Variants in SORCS3 observed in about 807,000 individuals in gnomAD.
SORCS3 encodes VPS10 domain-containing receptor SorCS3.
Under a neutral mutation model 146.3 loss-of-function variants are expected in SORCS3, and 57 were observed. The ratio of observed to expected loss-of-function variants is 0.39; its 90% CI spans 0.31 to 0.49. The LOEUF (loss-of-function observed/expected upper bound fraction) is 0.49, where lower values mean the gene tolerates loss of function less well. Ranked by LOEUF, SORCS3 falls within the 20% of genes least tolerant of loss-of-function variation. The pLI is 0.92. For synonymous variants in SORCS3, 653 were observed against 618.5 expected, an observed-to-expected ratio of 1.06 and a Z score of -0.83; for missense variants, 1,341 against 1,575.5, an observed-to-expected ratio of 0.85 and a Z score of 2.52.
At chr10:104,869,318 T>G (rs2018492237) in intron 2 of SORCS3, among the ~76,000 whole-genome samples, 1 of 152,300 alleles carries the variant, frequency 6.6e-6, no homozygotes, top group African/African-American at 2.4e-5. Flanking sequence ...TGAGTTCTAG[T>G]CCAAGGACAG....
chr10:104,943,639 C>A (rs557014436), intron 3 of SORCS3, among the ~76,000 whole-genome samples: 26 of 152,184 alleles, frequency 1.7e-4, no homozygotes, highest in African/African-American at 5.8e-4. Flanking sequence ...CCTTATTTCC[C>A]CCCACTCTCA....
intron 3 of SORCS3, among the ~76,000 whole-genome samples, chr10:104,958,108 T>C (rs942871427): frequency 6.6e-6 from 1 of 152,172 alleles, no homozygotes; most frequent in Admixed American, 6.5e-5. Context: ...TTTTCTGCCT[T>C]TGTTTGCACT....
At chr10:105,144,424 A>G (rs911882488) in intron 8 of SORCS3, among the ~76,000 whole-genome samples, 1 of 152,100 alleles carries the variant, frequency 6.6e-6, no homozygotes, top group African/African-American at 2.4e-5. Flanking sequence ...TAACATGGGT[A>G]TTTATATAAT....
intron 4 of SORCS3, among the ~76,000 whole-genome samples, chr10:104,980,775 T>G (rs2054927589): frequency 6.6e-6 from 1 of 152,202 alleles, no homozygotes; most frequent in South Asian, 2.1e-4. Context: ...CAGTATCCAA[T>G]TGCTTTACTT....
intron 18 of SORCS3, 141 bp downstream of exon 18, chr10:105,214,754 A>G: frequency 1.2e-6 from 1 of 802,946 alleles, no homozygotes; most frequent in Non-Finnish European, 1.9e-6. Flanking sequence ...GAAGACAGAC[A>G]AGGGTGAAAG....
intron 8 of SORCS3, among the ~76,000 whole-genome samples, chr10:105,147,276 A>G (rs1430738794): frequency 6.6e-6 from 1 of 152,154 alleles, no homozygotes; most frequent in Non-Finnish European, 1.5e-5. Context: ...CTCTGTCTTC[A>G]TTGCATGTGT....
chr10:105,222,985 G>A (rs978026694), intron 19 of SORCS3, 131 bp from the exon 20 acceptor site: 29 of 917,442 alleles, frequency 3.2e-5, no homozygotes, highest in Non-Finnish European at 3.7e-5. Flanking sequence ...ACCTCCCAAT[G>A]TATATGGTTT....
chr10:104,712,512 A>G (rs773019434), intron 1 of SORCS3, among the ~76,000 whole-genome samples: 7 of 152,324 alleles, frequency 4.6e-5, no homozygotes, highest in South Asian at 2.1e-4. Flanking sequence ...CAGGAAGCCA[A>G]TCCAGGTTGG....
At chr10:104,696,235 CAT>C (rs1332068375) in intron 1 of SORCS3, among the ~76,000 whole-genome samples, 1 of 121,468 alleles carries the variant, frequency 8.2e-6, no homozygotes, top group African/African-American at 3.3e-5. Context: ...TAATATATAT[CAT>C]ATACACATAT....
At chr10:104,919,876 T>C (rs1254789611) in intron 3 of SORCS3, among the ~76,000 whole-genome samples, 2 of 152,180 alleles carry the variant, frequency 1.3e-5, no homozygotes, top group South Asian at 4.1e-4. Context: ...AACCAGTATA[T>C]TCAGCTTAGC....
intron 2 of SORCS3, among the ~76,000 whole-genome samples, chr10:104,881,171 T>C (rs961507950): frequency 5.9e-5 from 9 of 152,220 alleles, no homozygotes; most frequent in African/African-American, 1.9e-4. Flanking sequence ...CACTGATCAT[T>C]ACAAACACAC....
intron 1 of SORCS3, among the ~76,000 whole-genome samples, chr10:104,711,754 G>A (rs565229204): frequency 1.3e-5 from 2 of 152,336 alleles, no homozygotes; most frequent in Admixed American, 6.5e-5. Flanking sequence ...ACTTTTGGAA[G>A]CATCACAGGC....
In SORCS3 at chr10:105,223,104, C is replaced by A. The variant is rs1430643541; in HGVS notation, c.2735-12C>A. On this transcript the variant is annotated splice_polypyrimidine_tract_variant and intron_variant, in intron 19 of 26. Transcript: ENST00000369701. ...GAATATAAACACTGACTTTTTTTTT[C>A]TGTTTCCTTAGGTCCTGTGGAGCAT... The A allele has an allele frequency of 1.3e-6, 2 of 1,567,878 alleles. No individual in the cohort carries two copies. Among genetic ancestry groups the A allele is most frequent in the Admixed American group, 1.9e-5 (1 of 53,442 alleles).
rs1480692858 is a variant in SORCS3 at position 105,138,853 on chromosome 10, GAA to G, written c.1213-542_1213-541del. On this transcript the variant is annotated intron_variant, in intron 7 of 26. Coordinates refer to ENST00000369701, the MANE Select transcript of SORCS3 (RefSeq NM_014978.3). ...GATGTTTTTAAGTATCTTGTACGTG[GAA>G]AGAGTCAATAAATATCTGCTCAATA... Among the ~76,000 whole-genome samples, 50 of 152,192 alleles carry G rather than the reference GAA, an allele frequency of 3.3e-4. 1 individual carries two copies. Among genetic ancestry groups the G allele is most frequent in the Non-Finnish European group, 1.5e-5 (1 of 68,040 alleles).
At chr10:105,171,615 A>T (rs184389714) in intron 13 of SORCS3, among the ~76,000 whole-genome samples, 170 of 152,352 alleles carry the variant, frequency 1.1e-3, no homozygotes, top group Non-Finnish European at 2.1e-3. Context: ...CAAACAATAC[A>T]TGTCTCTGAA....
rs114384713 is a variant in SORCS3, at chr10:104,777,351, G to A, written c.628-65441G>A. Among the ~76,000 whole-genome samples the A allele has an allele frequency of 4.1e-3, 632 of 152,304 alleles. 6 individuals are homozygous for A. Among genetic ancestry groups the A allele is most frequent in the African/African-American group, 0.015 (618 of 41,560 alleles). On this transcript the variant is annotated intron_variant, in intron 1 of 26. Coordinates refer to ENST00000369701, the MANE Select transcript of SORCS3 (RefSeq NM_014978.3). ...TAGCTGCACAGTTACACACTGAGCT[G>A]CAGGCAAGGGGGATGAGACCCCAAC... is the stretch of plus-strand genomic sequence containing the variant.
intron 10 of SORCS3, among the ~76,000 whole-genome samples, chr10:105,158,092 G>T (rs7912305): frequency 0.25 from 37,851 of 151,970 alleles, 5,147 homozygotes; most frequent in Middle Eastern, 0.36. Flanking sequence ...TATAATTTTT[G>T]CTTCAGGTAC....
intron 18 of SORCS3, among the ~76,000 whole-genome samples, chr10:105,215,483 G>A (rs1025303483): frequency 7.9e-5 from 12 of 152,176 alleles, no homozygotes; most frequent in African/African-American, 2.4e-4. Flanking sequence ...GGTGGTGAAG[G>A]TTCCTTATCC....
rs1419175432 is a variant in SORCS3 at position 104,724,394 on chromosome 10, TG to T, written c.627+82442del. 2.6e-5 allele frequency among the ~76,000 whole-genome samples: 4 copies of T among 152,348 alleles called. No homozygotes were observed. In the East Asian group the frequency reaches 7.7e-4, roughly 29 times the overall value. On this transcript the variant is annotated intron_variant, in intron 1 of 26. Coordinates refer to ENST00000369701, the MANE Select transcript of SORCS3 (RefSeq NM_014978.3). ...TTGTGGGTAACCCGACCTTTCTCTC[TG>T]GCTGCCCTTAACACTTTTTCCTTCA...
Sources: gnomAD v4.1 joint callset for allele counts (sites outside exome capture counted in the v4.1 genomes callset) on GRCh38, gnomAD v4.1.1 for gene constraint, MANE v1.5 for transcripts, NCBI Gene and HGNC (gene_info 2026-07-23, HGNC 2026-07-21) for gene names.